MTUS1: variants seen among roughly 807,000 people sequenced by gnomAD.
MTUS1 encodes the protein microtubule-associated tumor suppressor 1.
In MTUS1, 109 loss-of-function variants were observed where a neutral mutation model predicts 120.8. The ratio of observed to expected loss-of-function variants is 0.90; its 90% CI spans 0.77 to 1.06. The LOEUF (loss-of-function observed/expected upper bound fraction) is 1.06. Among genes scored for constraint, MTUS1 ranks in the 50% least tolerant of loss-of-function variants. The pLI, the probability that MTUS1 is intolerant of heterozygous loss-of-function variation, is 0.00. For synonymous variants in MTUS1, 737 were observed against 550.5 expected (o/e 1.34, Z -4.74); for missense variants, 2,210 against 1,486.3 (o/e 1.49, Z -8.01).
At chr8:17,695,366 A>G (rs1206496571) in intron 6 of MTUS1, among the ~76,000 whole-genome samples, 3 of 152,226 alleles carry the variant, frequency 2.0e-5, no homozygotes, top group Admixed American at 6.5e-5. Context: ...TATCTCTGGC[A>G]CTTACTGTGT....
At chr8:17,672,474 C>T (rs1018798972) in intron 8 of MTUS1, among the ~76,000 whole-genome samples, 1 of 152,112 alleles carries the variant, frequency 6.6e-6, no homozygotes, top group African/African-American at 2.4e-5. Context: ...CACTTTACTG[C>T]CTCAAAATTT....
intron 1 of MTUS1, among the ~76,000 whole-genome samples, chr8:17,781,384 G>A (rs1169718255): frequency 1.3e-5 from 2 of 152,106 alleles, no homozygotes; most frequent in African/African-American, 2.4e-5. Context: ...CTTAAAATGT[G>A]TAGTCTTTGT....
chr8:17,792,870 T>C (rs1405486593), intron 1 of MTUS1, among the ~76,000 whole-genome samples: 1 of 152,114 alleles, frequency 6.6e-6, no homozygotes, highest in Non-Finnish European at 1.5e-5. Context: ...TCAAAAAAAA[T>C]CTGAAAGCAA....
chr8:17,657,718 T>G (rs61180605), intron 8 of MTUS1, among the ~76,000 whole-genome samples: 2 of 141,250 alleles, frequency 1.4e-5, no homozygotes, highest in African/African-American at 5.3e-5. Flanking sequence ...TCCCTGCTAC[T>G]GAGGAGGCTG....
At chr8:17,712,493 C>A (rs892078645) in intron 6 of MTUS1, among the ~76,000 whole-genome samples, 14 of 152,058 alleles carry the variant, frequency 9.2e-5, no homozygotes, top group African/African-American at 3.4e-4. Flanking sequence ...CGTACCACCA[C>A]GTCCGGCAAA....
chr8:17,665,090 G>T (rs970047748), intron 8 of MTUS1, among the ~76,000 whole-genome samples: 1 of 152,152 alleles, frequency 6.6e-6, no homozygotes, highest in Non-Finnish European at 1.5e-5. Flanking sequence ...AGTCTTCCCA[G>T]CCTGTGGAAT....
chr8:17,647,701 T>G (rs1018864679), intron 13 of MTUS1, among the ~76,000 whole-genome samples: 1 of 152,182 alleles, frequency 6.6e-6, no homozygotes, highest in Non-Finnish European at 1.5e-5. Context: ...TGCTGCCCTG[T>G]GCAGGCTGAA....
At chr8:17,707,634 T>G (rs1820435411) in intron 6 of MTUS1, among the ~76,000 whole-genome samples, 1 of 152,210 alleles carries the variant, frequency 6.6e-6, no homozygotes, top group Non-Finnish European at 1.5e-5. Flanking sequence ...TTACAGAGAT[T>G]GACAAGCTGA....
chr8:17,654,439 C>T (rs1230014772), intron 10 of MTUS1, 122 bp downstream of exon 10: 3 of 694,762 alleles, frequency 4.3e-6, no homozygotes, highest in East Asian at 5.4e-5. Flanking sequence ...ACCAAGAACA[C>T]CCCAGCCTGA....
At chr8:17,743,908 A>G in intron 2 of MTUS1, 109 bp from the exon 3 acceptor site, 1 of 930,580 alleles carries the variant, frequency 1.1e-6, no homozygotes, top group African/African-American at 1.7e-5. Context: ...AAACCTAAAA[A>G]ACAAGTTCAG....
intron 3 of MTUS1, among the ~76,000 whole-genome samples, chr8:17,732,274 G>A (rs1319431898): frequency 6.6e-6 from 1 of 152,210 alleles, no homozygotes; most frequent in African/African-American, 2.4e-5. Flanking sequence ...AACACACACA[G>A]CCTCTGGTTT....
chr8:17,687,480 C>A (rs545423067), intron 6 of MTUS1, among the ~76,000 whole-genome samples: 1 of 152,272 alleles, frequency 6.6e-6, no homozygotes, highest in African/African-American at 2.4e-5. Flanking sequence ...TTTGCCCTTA[C>A]CCTTGCTTAT....
chr8:17,721,057 CTG>C (rs1297767542), intron 4 of MTUS1, among the ~76,000 whole-genome samples: 1 of 152,132 alleles, frequency 6.6e-6, no homozygotes, highest in African/African-American at 2.4e-5. Flanking sequence ...TACAACAGCA[CTG>C]TGTTATATCA....
At chr8:17,686,288 A>G (rs529242951) in intron 6 of MTUS1, among the ~76,000 whole-genome samples, 3 of 152,246 alleles carry the variant, frequency 2.0e-5, no homozygotes, top group Non-Finnish European at 2.9e-5. Context: ...TTAGGTGGTG[A>G]TGTAATATAT....
intron 1 of MTUS1, 168 bp from the exon 2 acceptor site, chr8:17,756,129 T>C: frequency 4.0e-6 from 1 of 252,214 alleles, no homozygotes; most frequent in Non-Finnish European, 7.4e-6. Flanking sequence ...ATCACCGCTT[T>C]TCAAGATACT....
chr8:17,701,509 AC>A (rs1819073924), intron 6 of MTUS1, among the ~76,000 whole-genome samples: 1 of 152,238 alleles, frequency 6.6e-6, no homozygotes, highest in African/African-American at 2.4e-5. Context: ...TAATTCATGT[AC>A]AATGTTTGTT....
At chr8:17,701,696 C>T (rs572216969) in intron 6 of MTUS1, among the ~76,000 whole-genome samples, 203 of 152,044 alleles carry the variant, frequency 1.3e-3, no homozygotes, top group Admixed American at 3.5e-3. Flanking sequence ...TACAGGCGCC[C>T]GCCACCACGC....
At position 17,754,546 on chromosome 8, in the gene MTUS1, C is replaced by G; in HGVS notation, c.1262G>C (p.Ser421Thr). Residue 421 changes from serine to threonine, a missense_variant, in exon 2 of 15, where the codon AGC becomes ACC. Physicochemically the swap from Ser to Thr is moderately conservative, Grantham distance 58 (BLOSUM62 1). Transcript: ENST00000693296. ...TGACATGCACATCGTTTTGTCTGTG[C>G]TAATGACCATATCATTTGCATCCCA... ...LTWDANDMVI[S>T]TDKTMCMSTP... 2 of 1,614,204 alleles carry G rather than the reference C, an allele frequency of 1.2e-6. No homozygotes were observed. The highest frequency in any genetic ancestry group is 1.7e-6 in the Non-Finnish European group (2 of 1,180,036).
Position 17,700,421 on chromosome 8 carries a change from G to A in MTUS1, c.2623+12793C>T, listed in dbSNP as rs569945367. On this transcript the variant is annotated intron_variant, in intron 6 of 14. Transcript: ENST00000693296. ...GGAGATGGAGGTTGCAATCAGCAGA[G>A]ATTGTGCCATTGCACTCCAGCCTGG... is the stretch of plus-strand genomic sequence containing the variant. Among the ~76,000 whole-genome samples, 95 of 135,920 alleles carry A rather than the reference G, an allele frequency of 7.0e-4. 1 individual carries two copies. Among genetic ancestry groups the A allele is most frequent in the African/African-American group, 2.4e-3 (86 of 35,804 alleles). The allele number at this position is 135,920 out of a possible 152,430, so 89.2% of individuals were successfully genotyped here.
Sources: gnomAD v4.1 joint callset for allele counts (sites outside exome capture counted in the v4.1 genomes callset) on GRCh38, gnomAD v4.1.1 for gene constraint, MANE v1.5 for transcripts, NCBI Gene and HGNC (gene_info 2026-07-23, HGNC 2026-07-21) for gene names.